CHN1: variants seen among roughly 807,000 people sequenced by gnomAD.
CHN1 encodes chimerin 1.
In CHN1, 37 loss-of-function variants were observed where a neutral mutation model predicts 59.5. The observed-to-expected ratio is 0.62, with a 90% CI of 0.48 to 0.82. The LOEUF is 0.82. Ranked by LOEUF, CHN1 falls within the 40% of genes least tolerant of loss-of-function variation. The pLI is 0.00. For missense variants in CHN1, 469 were observed against 571.0 expected, an observed-to-expected ratio of 0.82 and a Z score of 1.82; for synonymous variants, 206 against 200.4, an observed-to-expected ratio of 1.03 and a Z score of -0.24.
At chr2:174,920,433 T>G (rs1372064204) in intron 3 of CHN1, among the ~76,000 whole-genome samples, 1 of 152,082 alleles carries the variant, frequency 6.6e-6, no homozygotes, top group Non-Finnish European at 1.5e-5. Flanking sequence ...GTTCAAGTGG[T>G]GGGGCTCAAG....
intron 5 of CHN1, among the ~76,000 whole-genome samples, chr2:174,879,079 C>T (rs1462871025): frequency 1.3e-5 from 2 of 152,110 alleles, no homozygotes; most frequent in African/African-American, 4.8e-5. Context: ...CCGAGTGAGA[C>T]TAATTAAAAA....
At chr2:174,983,021 G>T (rs1232002739) in intron 1 of CHN1, among the ~76,000 whole-genome samples, 3 of 151,802 alleles carry the variant, frequency 2.0e-5, no homozygotes. Flanking sequence ...AAAACACAAG[G>T]GCAAAACTAA....
Position 174,904,285 on chromosome 2 carries a change from A to T in CHN1, c.260+10773T>A, listed in dbSNP as rs537181034. The stretch of plus-strand genomic sequence containing the variant: ...CAAAAAATAAATAAATAAATAATAA[A>T]AAATAAATTAAAAAAATAAAAACTA... On this transcript the variant is annotated intron_variant, in intron 5 of 12. Coordinates refer to ENST00000409900, the MANE Select transcript of CHN1 (RefSeq NM_001822.7). 7.2e-5 allele frequency among the ~76,000 whole-genome samples: 11 copies of T among 152,142 alleles called. No homozygotes were observed. The East Asian group carries it at 1.4e-3, about 19-fold the overall frequency.
intron 11 of CHN1, among the ~76,000 whole-genome samples, chr2:174,807,446 CTGTGTGTGTG>C (rs71031071): frequency 0.065 from 5,477 of 83,688 alleles, 171 homozygotes; most frequent in Non-Finnish European, 0.077. Context: ...CACGGGCTAT[CTGTGTGTGTG>C]TGTGTGTGTG....
chr2:174,999,168 T>TA lies in CHN1; in HGVS notation c.19+5725dup, dbSNP rs541693517. Among the ~76,000 whole-genome samples the TA allele has an allele frequency of 4.4e-4, 67 of 152,124 alleles. No individual in the cohort carries two copies. In the South Asian group the frequency reaches 7.7e-3, roughly 17 times the overall value. The stretch of plus-strand genomic sequence containing the variant: ...TTAAGGATAGTAGGATTATATTAAT[T>TA]AAAAAAAATCAAAGTTCATAGAAAT... On this transcript the variant is annotated intron_variant, in intron 1 of 12. Transcript: ENST00000409900.
At chr2:174,881,481 T>C (rs1243901928) in intron 5 of CHN1, among the ~76,000 whole-genome samples, 2 of 152,160 alleles carry the variant, frequency 1.3e-5, no homozygotes, top group African/African-American at 4.8e-5. Context: ...AACATCACCC[T>C]ACCCCAGATG....
At chr2:174,943,606 C>CA (rs1689738409) in intron 3 of CHN1, among the ~76,000 whole-genome samples, 1 of 152,082 alleles carries the variant, frequency 6.6e-6, no homozygotes, top group Admixed American at 6.6e-5. Context: ...AGTCACAACT[C>CA]AGACTAAAAA....
intron 7 of CHN1, chr2:174,846,510 C>CAGAA: frequency 7.2e-7 from 1 of 1,393,406 alleles, no homozygotes; most frequent in Non-Finnish European, 9.5e-7. Context: ...AGCTTTTTAC[C>CAGAA]AGAAACACAG....
chr2:174,815,637 T>A (rs1685226169), intron 8 of CHN1, among the ~76,000 whole-genome samples: 1 of 151,808 alleles, frequency 6.6e-6, no homozygotes, highest in Non-Finnish European at 1.5e-5. Context: ...AATTGCTTGT[T>A]GGGGGCATTT....
At chr2:174,836,094 C>G (rs1372736881) in intron 7 of CHN1, among the ~76,000 whole-genome samples, 2 of 152,172 alleles carry the variant, frequency 1.3e-5, no homozygotes, top group Non-Finnish European at 2.9e-5. Flanking sequence ...TCCCCCACGA[C>G]CCCACCCTAA....
At chr2:175,001,995 C>A (rs1483446865) in intron 1 of CHN1, among the ~76,000 whole-genome samples, 2 of 152,170 alleles carry the variant, frequency 1.3e-5, no homozygotes, top group Non-Finnish European at 2.9e-5. Context: ...TAGTTAAGTG[C>A]CACTCACTAT....
chr2:174,915,397 C>A (rs751718087), intron 4 of CHN1: 14 of 428,354 alleles, frequency 3.3e-5, no homozygotes, highest in Non-Finnish European at 5.9e-5. Context: ...CTACCCAATC[C>A]AGTTAACAAC....
chr2:174,882,458 T>G (rs1687766745), intron 5 of CHN1, among the ~76,000 whole-genome samples: 1 of 152,164 alleles, frequency 6.6e-6, no homozygotes, highest in South Asian at 2.1e-4. Context: ...AAATTCAGTC[T>G]AGAAGAAAAA....
At chr2:174,935,994 T>C (rs1689485577) in intron 3 of CHN1, among the ~76,000 whole-genome samples, 1 of 152,174 alleles carries the variant, frequency 6.6e-6, no homozygotes, top group African/African-American at 2.4e-5. Context: ...ATACTCAGTA[T>C]TACTCTAATT....
intron 4 of CHN1, among the ~76,000 whole-genome samples, chr2:174,916,335 T>C (rs1027385149): frequency 1.3e-5 from 2 of 152,192 alleles, no homozygotes; most frequent in African/African-American, 4.8e-5. Context: ...CCTGTGCAAG[T>C]AGTATTAAAA....
At chr2:174,833,293 A>T (rs1685943432) in intron 7 of CHN1, among the ~76,000 whole-genome samples, 1 of 152,188 alleles carries the variant, frequency 6.6e-6, no homozygotes, top group African/African-American at 2.4e-5. Flanking sequence ...CTTCTTGATT[A>T]ATTTTACATT....
chr2:174,898,332 T>C (rs1056919841), intron 5 of CHN1, among the ~76,000 whole-genome samples: 1 of 151,616 alleles, frequency 6.6e-6, no homozygotes, highest in Non-Finnish European at 1.5e-5. Context: ...CCAGGCGCAG[T>C]GGCTCACGCC....
chr2:174,808,590 T>C (rs992152793), intron 11 of CHN1, among the ~76,000 whole-genome samples: 1 of 151,542 alleles, frequency 6.6e-6, no homozygotes, highest in Non-Finnish European at 1.5e-5. Flanking sequence ...CCTGGTTTTG[T>C]TTTTTTAATT....
intron 5 of CHN1, among the ~76,000 whole-genome samples, chr2:174,914,778 G>A (rs929349154): frequency 6.6e-6 from 1 of 151,452 alleles, no homozygotes; most frequent in African/African-American, 2.4e-5. Context: ...GGAAGCAGAG[G>A]GGGTTGCAGT....
Sources: allele counts gnomAD v4.1 joint callset (sites outside exome capture counted in the v4.1 genomes callset), GRCh38; gene constraint gnomAD v4.1.1; transcripts MANE v1.5; gene names NCBI Gene and HGNC (gene_info 2026-07-23, HGNC 2026-07-21).